Variants in CPE observed in about 807,000 individuals in gnomAD.
CPE encodes carbocypeptidase E.
In CPE, 17 loss-of-function variants were observed where a neutral mutation model predicts 53.5. The observed-to-expected ratio is 0.32, with a 90% CI of 0.22 to 0.48. CPE has a LOEUF of 0.48. CPE is among the 20% of genes least tolerant of loss of function. CPE has a pLI of 0.99. For missense variants in CPE, 524 were observed against 614.7 expected (o/e 0.85, Z 1.56); for synonymous variants, 226 against 228.8 (o/e 0.99, Z 0.11).
chr4:165,466,029 T>C (rs1732093794), intron 2 of CPE, among the ~76,000 whole-genome samples: 2 of 152,198 alleles, frequency 1.3e-5, no homozygotes, highest in Non-Finnish European at 2.9e-5. Flanking sequence ...AAAATACTTA[T>C]GACAAGTACA....
intron 1 of CPE, chr4:165,403,979 G>A: frequency 1.5e-6 from 1 of 664,960 alleles, no homozygotes; most frequent in East Asian, 3.1e-5. Flanking sequence ...TCGTTACTCT[G>A]ATAAATCTAG....
chr4:165,393,823 A>T (rs1239681437), intron 1 of CPE, among the ~76,000 whole-genome samples: 1 of 152,208 alleles, frequency 6.6e-6, no homozygotes, highest in Non-Finnish European at 1.5e-5. Flanking sequence ...CCGGAGGCGG[A>T]TAGACAGGGC....
chr4:165,384,811 G>C (rs952342457), intron 1 of CPE, among the ~76,000 whole-genome samples: 1 of 152,172 alleles, frequency 6.6e-6, no homozygotes, highest in South Asian at 2.1e-4. Context: ...GAGCTCTTCA[G>C]GGGTAGGGAA....
chr4:165,388,125 G>A (rs970791219), intron 1 of CPE, among the ~76,000 whole-genome samples: 1 of 152,188 alleles, frequency 6.6e-6, no homozygotes, highest in Non-Finnish European at 1.5e-5. Context: ...GCAGCTGCTA[G>A]TCACTGCCAT....
intron 3 of CPE, 83 bp from the exon 4 acceptor site, chr4:165,482,159 T>A (rs962510358): frequency 2.4e-6 from 2 of 825,042 alleles, no homozygotes; most frequent in Non-Finnish European, 3.6e-6. Flanking sequence ...GTTTTTTCCT[T>A]TACCTTTCCT....
intron 8 of CPE, among the ~76,000 whole-genome samples, chr4:165,495,992 G>A (rs1393933272): frequency 1.3e-5 from 2 of 151,884 alleles, no homozygotes; most frequent in African/African-American, 2.4e-5. Flanking sequence ...AGCACCTAGC[G>A]CAGTGCCTTT....
At position 165,419,441 on chromosome 4, in the gene CPE, C is replaced by T. The variant is rs1267002917; in HGVS notation, c.307+39913C>T. ...CAGACAGAGAAACAAACTCATGTAT[C>T]GGTGTATTTTTTAATGAATTAGAAG... On this transcript the variant is annotated intron_variant, in intron 1 of 8. Transcript: ENST00000402744. 3.9e-5 allele frequency among the ~76,000 whole-genome samples: 6 copies of T among 151,996 alleles called. No individual in the cohort carries two copies. In the East Asian group the frequency reaches 5.8e-4, roughly 15 times the overall value.
chr4:165,461,579 A>G (rs1240726181), intron 1 of CPE, among the ~76,000 whole-genome samples: 1 of 152,176 alleles, frequency 6.6e-6, no homozygotes, highest in East Asian at 1.9e-4. Flanking sequence ...TGGGAGGAAT[A>G]TCCCAGTTTG....
chr4:165,440,458 C>A (rs920233098), intron 1 of CPE, among the ~76,000 whole-genome samples: 1 of 144,382 alleles, frequency 6.9e-6, no homozygotes, highest in East Asian at 2.0e-4. Context: ...AACCCCACCC[C>A]CCCCCACACA....
chr4:165,468,619 G>A (rs186319045), intron 3 of CPE, among the ~76,000 whole-genome samples: 202 of 152,156 alleles, frequency 1.3e-3, no homozygotes, highest in African/African-American at 4.3e-3. Context: ...ACCTCTCAGC[G>A]ATTTGATCTC....
At chr4:165,391,178 A>G (rs1730672708) in intron 1 of CPE, among the ~76,000 whole-genome samples, 2 of 152,134 alleles carry the variant, frequency 1.3e-5, no homozygotes, top group Admixed American at 6.6e-5. Context: ...TTAACATTGA[A>G]GCTGAACTCA....
chr4:165,394,709 T>A (rs1730736284), intron 1 of CPE, among the ~76,000 whole-genome samples: 1 of 152,116 alleles, frequency 6.6e-6, no homozygotes, highest in African/African-American at 2.4e-5. Flanking sequence ...ATTCTGCCCC[T>A]ATTAAAATTT....
At chr4:165,457,393 G>A (rs1010817338) in intron 1 of CPE, among the ~76,000 whole-genome samples, 3 of 152,156 alleles carry the variant, frequency 2.0e-5, no homozygotes, top group Admixed American at 1.3e-4. Flanking sequence ...TTTTGTGAAG[G>A]CATCAAATAC....
At position 165,397,523 on chromosome 4, in the gene CPE, A is replaced by G. The variant is rs1454014677; in HGVS notation, c.307+17995A>G. ...GCTCCTCTCTTCCCTTCTTGGGGAA[A>G]TGTTCCTTCTTACCATGTGACTTGA... On this transcript the variant is annotated intron_variant, in intron 1 of 8. Coordinates refer to ENST00000402744, the MANE Select transcript of CPE (RefSeq NM_001873.4). Among the ~76,000 whole-genome samples, 5 of 152,146 alleles carry G rather than the reference A, an allele frequency of 3.3e-5. 1 individual carries two copies. The highest frequency in any genetic ancestry group is 2.0e-4 in the Admixed American group (3 of 15,268).
intron 1 of CPE, among the ~76,000 whole-genome samples, chr4:165,458,173 T>A (rs1191774931): frequency 1.3e-5 from 2 of 152,242 alleles, no homozygotes; most frequent in South Asian, 4.1e-4. Flanking sequence ...TGTTTCCAAC[T>A]TGCTTGTATA....
At chr4:165,442,026 TTTTTTTTTTG>T (rs1304665508) in intron 1 of CPE, among the ~76,000 whole-genome samples, 53 of 102,588 alleles carry the variant, frequency 5.2e-4, no homozygotes, top group Middle Eastern at 4.2e-3. Flanking sequence ...TGAGTTTGTT[TTTTTTTTTTG>T]TTTTTTTTTT....
At chr4:165,492,568 C>G (rs1415435542) in intron 6 of CPE, among the ~76,000 whole-genome samples, 1 of 152,110 alleles carries the variant, frequency 6.6e-6, no homozygotes, top group Non-Finnish European at 1.5e-5. Flanking sequence ...GTGAGCAATT[C>G]CTGTCCTTCT....
chr4:165,384,462 AAAAAT>A (rs1243656991), intron 1 of CPE, among the ~76,000 whole-genome samples: 2 of 152,262 alleles, frequency 1.3e-5, no homozygotes, highest in African/African-American at 4.8e-5. Flanking sequence ...GTCTCTACAA[AAAAAT>A]AAAATTAGCT....
intron 3 of CPE, among the ~76,000 whole-genome samples, chr4:165,469,724 T>C (rs1438919637): frequency 2.0e-5 from 3 of 152,214 alleles, no homozygotes; most frequent in African/African-American, 4.8e-5. Flanking sequence ...TAGAATTTGA[T>C]CACTTGATTG....
Sources: allele counts gnomAD v4.1 joint callset (sites outside exome capture counted in the v4.1 genomes callset), GRCh38; gene constraint gnomAD v4.1.1; transcripts MANE v1.5; gene names NCBI Gene and HGNC (gene_info 2026-07-23, HGNC 2026-07-21).